Variants in MYH15 observed in about 807,000 individuals in gnomAD.
The protein encoded by MYH15 is myosin heavy chain 15.
Under a neutral mutation model 240.5 loss-of-function variants are expected in MYH15, and 227 were observed. The ratio of observed to expected loss-of-function variants is 0.94; its 90% CI spans 0.85 to 1.05. The LOEUF is 1.05. MYH15 is among the 50% of genes least tolerant of loss of function. The pLI is 0.00. For missense variants in MYH15, 2,217 were observed against 2,247.5 expected (o/e 0.99, Z 0.27); for synonymous variants, 785 against 796.7 (o/e 0.99, Z 0.25).
rs779830624 is a variant in MYH15, at chr3:108,492,582, C to T, written c.789G>A (p.Lys263=). The change falls in exon 9 of 41, where the codon AAG becomes AAA. Residue 263 remains lysine (K), a synonymous_variant. Coordinates refer to ENST00000693548, the MANE Select transcript of MYH15 (RefSeq NM_014981.3). ...SVDIDIYLLE[K]SRVIFQQAGE... is the part of the protein sequence containing the mutation. ...CAGCCTGCTGGAAAATCACCCTGGA[C>T]TTTTCAAGCAAATCTGGATGATGAG... 8 of 1,612,294 alleles carry T rather than the reference C, an allele frequency of 5.0e-6. No individual in the cohort carries two copies. The East Asian group carries it at 1.8e-4, about 36-fold the overall frequency.
intron 14 of MYH15, among the ~76,000 whole-genome samples, chr3:108,465,047 C>T (rs1339998535): frequency 6.6e-6 from 1 of 152,186 alleles, no homozygotes; most frequent in Non-Finnish European, 1.5e-5. Context: ...TACAAAGTGC[C>T]TGTCCTCAGG....
intron 22 of MYH15, among the ~76,000 whole-genome samples, chr3:108,443,977 A>G (rs1263284637): frequency 1.1e-5 from 1 of 88,548 alleles, no homozygotes; most frequent in Non-Finnish European, 2.0e-5. Flanking sequence ...GAAGGGGAAC[A>G]TCACACTCTG....
At position 108,414,415 on chromosome 3, in the gene MYH15, A is replaced by G; in HGVS notation, c.3962T>C (p.Leu1321Pro). The change falls in exon 30 of 41, where the codon CTG (leucine) becomes CCG (proline). Residue 1321 changes from leucine to proline, a missense_variant. By Grantham distance (98) the Leu-to-Pro change is moderately conservative (BLOSUM62 -3). Coordinates refer to ENST00000693548, the MANE Select transcript of MYH15 (RefSeq NM_014981.3). ...LEKETKSQSA[L>P]AHALQKAQRD... ...CTGAGCCTTCTGCAGGGCATGGGCC[A>G]GGGCACTCTGGGACTGTAGGGGACA... 6.2e-7 allele frequency: 1 copy of G among 1,614,006 alleles called. No homozygotes were observed. The highest frequency in any genetic ancestry group is 8.5e-7 in the Non-Finnish European group (1 of 1,179,980).
rs397818948 is a variant in MYH15, at chr3:108,383,739, TAA to T, written c.5632-12_5632-11del. ...GATTGGCTTGTGTTTCCTATAAAAATAAAAAAAAAAAAAAAGAAATCTCCATG... is the reference window on the plus strand; with the variant it reads ...GATTGGCTTGTGTTTCCTATAAAAATAAAAAAAAAAAAAGAAATCTCCATG... On this transcript the variant is annotated splice_polypyrimidine_tract_variant and intron_variant, in intron 39 of 40. Coordinates refer to ENST00000693548, the MANE Select transcript of MYH15 (RefSeq NM_014981.3). 916 of 1,347,594 alleles carry T rather than the reference TAA, an allele frequency of 6.8e-4. No homozygotes were observed. The highest frequency in any genetic ancestry group is 1.4e-3 in the South Asian group (84 of 61,830). 83.5% of individuals were successfully genotyped at this position (1,347,594 alleles called of 1,614,324 possible). A position where few individuals can be genotyped will look rare whatever the true frequency, so the allele number is the denominator to read the frequency against.
At chr3:108,420,959 G>A in intron 28 of MYH15, 129 bp downstream of exon 28, 7 of 1,306,396 alleles carry the variant, frequency 5.4e-6, no homozygotes, top group Non-Finnish European at 7.4e-6. Flanking sequence ...TGTCTCAGAG[G>A]CTGCATTCCT....
Position 108,445,023 on chromosome 3 carries a change from C to T in MYH15, c.2400-128G>A. The T allele has an allele frequency of 2.9e-6, 3 of 1,050,094 alleles. No individual in the cohort carries two copies. The South Asian group carries it at 5.3e-5, about 19-fold the overall frequency. 65.0% of individuals were successfully genotyped at this position (1,050,094 alleles called of 1,614,324 possible). A position where few individuals can be genotyped will look rare whatever the true frequency, so the allele number is the denominator to read the frequency against. ...AAAATTCTTATTAGTCTTCAAAGCACTTTTATATCTGGACTTTCACTTGAT... is the reference window on the plus strand; with the variant it reads ...AAAATTCTTATTAGTCTTCAAAGCATTTTTATATCTGGACTTTCACTTGAT... On this transcript the variant is annotated intron_variant, in intron 21 of 40. Transcript: ENST00000693548.
At chr3:108,467,846 G>A (rs1233196552) in intron 14 of MYH15, among the ~76,000 whole-genome samples, 4 of 152,062 alleles carry the variant, frequency 2.6e-5, no homozygotes, top group Admixed American at 2.0e-4. Context: ...ATAAGTATGA[G>A]CAAATCCTAT....
chr3:108,391,746 A>T lies in MYH15; in HGVS notation c.5430+14T>A, dbSNP rs753289700. 2 of 1,610,374 alleles carry T rather than the reference A, an allele frequency of 1.2e-6. No individual in the cohort carries two copies. The highest frequency in any genetic ancestry group is 1.7e-6 in the Non-Finnish European group (2 of 1,178,594). ...TGGGGACTGTCAAGCCCTCATGATTACCCAGACTCCTACCCTGGATTCTAG... is the reference window on the plus strand; with the variant it reads ...TGGGGACTGTCAAGCCCTCATGATTTCCCAGACTCCTACCCTGGATTCTAG... On this transcript the variant is annotated intron_variant, in intron 37 of 40. Coordinates refer to ENST00000693548, the MANE Select transcript of MYH15 (RefSeq NM_014981.3).
rs1375057504 is a variant in MYH15 at position 108,410,962 on chromosome 3, T to A, written c.4146-30A>T. 1.9e-6 allele frequency: 3 copies of A among 1,544,212 alleles called. No individual in the cohort carries two copies. In the African/African-American group the frequency reaches 4.1e-5, roughly 21 times the overall value. On this transcript the variant is annotated intron_variant, in intron 30 of 40. Coordinates refer to ENST00000693548, the MANE Select transcript of MYH15 (RefSeq NM_014981.3). ...GAAAGGAGGACACCCAAAGAGTGAG[T>A]GAGGCAATAACTCTCAGAGAGCTCA...
intron 1 of MYH15, among the ~76,000 whole-genome samples, chr3:108,522,646 T>A (rs2083629569): frequency 6.6e-6 from 1 of 152,100 alleles, no homozygotes; most frequent in Admixed American, 6.6e-5. Flanking sequence ...GTAGTTGATC[T>A]AGTAGTGTAA....
intron 33 of MYH15, among the ~76,000 whole-genome samples, chr3:108,400,555 A>G (rs1218263896): frequency 6.6e-6 from 1 of 152,182 alleles, no homozygotes; most frequent in Non-Finnish European, 1.5e-5. Flanking sequence ...GGCCGGGCGC[A>G]GTGGCTCACA....
At chr3:108,507,258 T>TTC (rs772256475) in intron 1 of MYH15, among the ~76,000 whole-genome samples, 5,758 of 56,900 alleles carry the variant, frequency 0.1, 902 homozygotes, top group East Asian at 0.47. Flanking sequence ...TATATATATA[T>TTC]ATATATATAT....
intron 9 of MYH15, among the ~76,000 whole-genome samples, chr3:108,489,122 C>T (rs1419489760): frequency 1.3e-5 from 2 of 152,114 alleles, no homozygotes; most frequent in South Asian, 4.1e-4. Context: ...TGTTTTCTTG[C>T]TATTGAGTTG....
chr3:108,396,793 A>G (rs2082465007), intron 35 of MYH15, among the ~76,000 whole-genome samples: 1 of 152,222 alleles, frequency 6.6e-6, no homozygotes, highest in Non-Finnish European at 1.5e-5. Flanking sequence ...TGTCATACAC[A>G]TGGACACAAA....
chr3:108,522,369 C>T (rs2083626830), intron 1 of MYH15, among the ~76,000 whole-genome samples: 1 of 151,908 alleles, frequency 6.6e-6, no homozygotes, highest in Admixed American at 6.6e-5. Context: ...TATTATAACC[C>T]CAGAAATGTG....
intron 1 of MYH15, among the ~76,000 whole-genome samples, chr3:108,507,677 C>T (rs1296179214): frequency 6.6e-6 from 1 of 152,152 alleles, no homozygotes; most frequent in Non-Finnish European, 1.5e-5. Context: ...CTTCGTTTCC[C>T]TGATTACAAA....
At chr3:108,521,369 T>C (rs1470286666) in intron 1 of MYH15, among the ~76,000 whole-genome samples, 1 of 151,770 alleles carries the variant, frequency 6.6e-6, no homozygotes, top group African/African-American at 2.4e-5. Flanking sequence ...TTCTGAACTT[T>C]TTTAAAATGA....
chr3:108,432,939 C>T (rs1340974025), intron 25 of MYH15, among the ~76,000 whole-genome samples: 1 of 152,174 alleles, frequency 6.6e-6, no homozygotes, highest in Non-Finnish European at 1.5e-5. Context: ...GGCTCCCACA[C>T]AGAGTCCCTG....
chr3:108,485,007 G>A (rs2083293913), intron 11 of MYH15, 84 bp downstream of exon 11: 2 of 1,415,092 alleles, frequency 1.4e-6, no homozygotes, highest in East Asian at 2.3e-5. Context: ...TTAAGTAAGA[G>A]ATGAAGTTAA....
Sources: gnomAD v4.1 joint callset for allele counts (sites outside exome capture counted in the v4.1 genomes callset) on GRCh38, gnomAD v4.1.1 for gene constraint, MANE v1.5 for transcripts, NCBI Gene and HGNC (gene_info 2026-07-23, HGNC 2026-07-21) for gene names.